KHDRBS2: variants seen among roughly 807,000 people sequenced by gnomAD.
KHDRBS2 encodes the protein KH domain-containing, RNA-binding, signal transduction-associated protein 2.
Under a neutral mutation model 44.3 loss-of-function variants are expected in KHDRBS2, and 26 were observed. The observed-to-expected ratio is 0.59, with a 90% CI of 0.43 to 0.81. The LOEUF is 0.81. Among genes scored for constraint, KHDRBS2 ranks in the 40% least tolerant of loss-of-function variants. The pLI is 0.00. For synonymous variants in KHDRBS2, 194 were observed against 151.1 expected, an observed-to-expected ratio of 1.28 and a Z score of -2.08; for missense variants, 476 against 433.1, an observed-to-expected ratio of 1.10 and a Z score of -0.88.
intron 2 of KHDRBS2, among the ~76,000 whole-genome samples, chr6:62,105,432 T>A (rs932165689): frequency 2.0e-5 from 3 of 152,184 alleles, no homozygotes; most frequent in East Asian, 1.9e-4. Context: ...TGGTAAGCTA[T>A]TGATTATTGC....
chr6:61,931,807 C>G (rs7357055), intron 4 of KHDRBS2, among the ~76,000 whole-genome samples: 56,054 of 151,680 alleles, frequency 0.37, 10,575 homozygotes, highest in African/African-American at 0.44. Context: ...CCTCTTCCAC[C>G]TCCTCCACCT....
chr6:61,872,197 C>T (rs1194213371), intron 6 of KHDRBS2, among the ~76,000 whole-genome samples: 1 of 151,898 alleles, frequency 6.6e-6, no homozygotes, highest in Non-Finnish European at 1.5e-5. Flanking sequence ...TGAAAAACTC[C>T]TAAATAACAG....
intron 3 of KHDRBS2, among the ~76,000 whole-genome samples, chr6:62,047,288 G>A (rs1404622416): frequency 1.3e-5 from 2 of 151,880 alleles, no homozygotes; most frequent in Non-Finnish European, 2.9e-5. Flanking sequence ...TATAAAATAA[G>A]AAATAATGTA....
At chr6:62,109,400 G>A (rs1804468053) in intron 2 of KHDRBS2, among the ~76,000 whole-genome samples, 1 of 151,604 alleles carries the variant, frequency 6.6e-6, no homozygotes, top group African/African-American at 2.4e-5. Flanking sequence ...ATACTTAGTG[G>A]GACAAGAGAT....
At chr6:62,156,250 TC>T (rs1327244191) in intron 2 of KHDRBS2, among the ~76,000 whole-genome samples, 3 of 152,188 alleles carry the variant, frequency 2.0e-5, no homozygotes, top group Non-Finnish European at 4.4e-5. Flanking sequence ...GAAAAATGTT[TC>T]CCAAGTTCTA....
At chr6:61,967,745 T>G (rs886569533) in intron 4 of KHDRBS2, among the ~76,000 whole-genome samples, 1 of 151,596 alleles carries the variant, frequency 6.6e-6, no homozygotes, top group African/African-American at 2.4e-5. Context: ...GGACTCACAG[T>G]TCTCTGTGAG....
At chr6:61,748,649 G>A (rs1025935773) in intron 6 of KHDRBS2, among the ~76,000 whole-genome samples, 1 of 152,120 alleles carries the variant, frequency 6.6e-6, no homozygotes, top group African/African-American at 2.4e-5. Context: ...TTGCCATACA[G>A]AGACCAAAAT....
chr6:61,772,527 A>G (rs552676431), intron 6 of KHDRBS2, among the ~76,000 whole-genome samples: 106 of 152,336 alleles, frequency 7.0e-4, no homozygotes, highest in African/African-American at 2.1e-3. Flanking sequence ...AGAGAATACT[A>G]TAAACACTTA....
intron 6 of KHDRBS2, among the ~76,000 whole-genome samples, chr6:61,789,481 A>AT (rs1428896470): frequency 2.0e-5 from 3 of 151,576 alleles, no homozygotes; most frequent in Non-Finnish European, 4.4e-5. Context: ...AACGTATAGT[A>AT]TTAGTGTTTC....
intron 6 of KHDRBS2, among the ~76,000 whole-genome samples, chr6:61,882,668 A>C (rs1353750472): frequency 2.6e-5 from 4 of 152,000 alleles, no homozygotes; most frequent in African/African-American, 7.2e-5. Context: ...CCCTAGTAAA[A>C]GCCTTTGGAT....
At chr6:61,842,880 A>G (rs1793785911) in intron 6 of KHDRBS2, among the ~76,000 whole-genome samples, 1 of 147,526 alleles carries the variant, frequency 6.8e-6, no homozygotes, top group Non-Finnish European at 1.5e-5. Context: ...TATACAGATA[A>G]TCTATAACTT....
At chr6:61,944,758 C>A (rs1224478342) in intron 4 of KHDRBS2, among the ~76,000 whole-genome samples, 1 of 152,020 alleles carries the variant, frequency 6.6e-6, no homozygotes. Context: ...AAAATACTCA[C>A]ATGGACCCTA....
intron 3 of KHDRBS2, among the ~76,000 whole-genome samples, chr6:62,026,696 G>T: frequency 6.6e-6 from 1 of 151,762 alleles, no homozygotes; most frequent in East Asian, 1.9e-4. Flanking sequence ...TGGGATTAAG[G>T]TGTGAGCCCC....
chr6:61,639,000 C>T, the KHDRBS2 span, among the ~76,000 whole-genome samples: 1 of 152,014 alleles, frequency 6.6e-6, no homozygotes, highest in African/African-American at 2.4e-5. Flanking sequence ...GTTTGCATTC[C>T]TCTAAGTGGA....
At chr6:61,742,662 C>T (rs1214532497) in intron 6 of KHDRBS2, among the ~76,000 whole-genome samples, 1 of 151,956 alleles carries the variant, frequency 6.6e-6, no homozygotes, top group Non-Finnish European at 1.5e-5. Context: ...TGGTTACTCC[C>T]CAGTATGCAG....
chr6:61,721,502 G>C (rs1482659749), intron 7 of KHDRBS2, among the ~76,000 whole-genome samples: 1 of 146,060 alleles, frequency 6.8e-6, no homozygotes, highest in East Asian at 2.1e-4. Context: ...CACGTCCCTT[G>C]TAAGTTGGAT....
In KHDRBS2 at chr6:62,274,846, CA is replaced by C. The variant is rs1361860423; in HGVS notation, c.91+11011del. ...CTCAAATAGTAATGAAAAACACAAA[CA>C]ATAAGAACCAATTGGGTCAAGTCTG... On this transcript the variant is annotated intron_variant, in intron 1 of 8. Coordinates refer to ENST00000281156, the MANE Select transcript of KHDRBS2 (RefSeq NM_152688.4). Among the ~76,000 whole-genome samples, 3 of 152,180 alleles carry C rather than the reference CA, an allele frequency of 2.0e-5. No homozygotes were observed. In the East Asian group the frequency reaches 5.8e-4, roughly 29 times the overall value.
At chr6:61,584,945 A>C in the KHDRBS2 span, among the ~76,000 whole-genome samples, 1 of 151,940 alleles carries the variant, frequency 6.6e-6, no homozygotes, top group African/African-American at 2.4e-5. Flanking sequence ...TTTCTTTTTC[A>C]TATTGACACT....
At chr6:61,616,278 C>G in the KHDRBS2 span, among the ~76,000 whole-genome samples, 1 of 151,982 alleles carries the variant, frequency 6.6e-6, no homozygotes, top group Non-Finnish European at 1.5e-5. Flanking sequence ...TGAAGGCTTT[C>G]TGGAAGACTA....
Sources: gnomAD v4.1 joint callset for allele counts (sites outside exome capture counted in the v4.1 genomes callset) on GRCh38, gnomAD v4.1.1 for gene constraint, MANE v1.5 for transcripts, NCBI Gene and HGNC (gene_info 2026-07-23, HGNC 2026-07-21) for gene names.